Variants in METTL16 observed in about 807,000 individuals in gnomAD.
The protein encoded by METTL16 is methyltransferase 16, RNA N6-adenosine.
METTL16 carries 19 observed loss-of-function variants against 57.9 expected under a neutral mutation model. The observed-to-expected ratio is 0.33, with a 90% CI of 0.23 to 0.48. The LOEUF (loss-of-function observed/expected upper bound fraction) is 0.48. Among genes scored for constraint, METTL16 ranks in the 20% least tolerant of loss-of-function variants. METTL16 has a pLI of 0.99. For synonymous variants in METTL16, 246 were observed against 255.6 expected, an observed-to-expected ratio of 0.96 and a Z score of 0.36; for missense variants, 434 against 691.5, an observed-to-expected ratio of 0.63 and a Z score of 4.18.
intron 8 of METTL16, among the ~76,000 whole-genome samples, chr17:2,432,926 A>G (rs2066883866): frequency 6.6e-6 from 1 of 152,224 alleles, no homozygotes; most frequent in Non-Finnish European, 1.5e-5. Context: ...TAGCGAAGTT[A>G]AGTAGCCTGT....
intron 7 of METTL16, among the ~76,000 whole-genome samples, chr17:2,440,804 C>G (rs1414194693): frequency 6.6e-6 from 1 of 151,454 alleles, no homozygotes; most frequent in Non-Finnish European, 1.5e-5. Flanking sequence ...GACCCCATCA[C>G]TACTAAAGAA....
intron 1 of METTL16, among the ~76,000 whole-genome samples, chr17:2,511,226 T>C (rs1567910922): frequency 6.6e-6 from 1 of 152,088 alleles, no homozygotes; most frequent in Non-Finnish European, 1.5e-5. Context: ...CCCTTTTTTT[T>C]TTTTTCTTTC....
intron 8 of METTL16, among the ~76,000 whole-genome samples, chr17:2,423,303 T>TGTGTGTGTGTGTG (rs1597435179): frequency 2.8e-5 from 4 of 142,462 alleles, no homozygotes; most frequent in South Asian, 2.3e-4. Context: ...TGTGTGTGTG[T>TGTGTGTGTGTGTG]TTGAAGAACC....
chr17:2,452,295 C>T (rs1384505764), intron 6 of METTL16, among the ~76,000 whole-genome samples: 1 of 152,100 alleles, frequency 6.6e-6, no homozygotes, highest in Non-Finnish European at 1.5e-5. Flanking sequence ...TTGCACTAAA[C>T]TGAATACCAC....
chr17:2,440,994 A>AAAAG lies in METTL16; in HGVS notation c.798+495_798+496insCTTT, dbSNP rs1555616313. 1.3e-3 allele frequency among the ~76,000 whole-genome samples: 153 copies of AAAAG among 118,772 alleles called. 1 individual carries two copies. The highest frequency in any genetic ancestry group is 2.4e-3 in the African/African-American group (52 of 21,522). The allele number at this position is 118,772 out of a possible 152,430, so 77.9% of individuals were successfully genotyped here. A position where few individuals can be genotyped will look rare whatever the true frequency, so the allele number is the denominator to read the frequency against. ...TCAAAAAAAAAAAAAAAAAAAAAAA[A>AAAAG]AAGAAGAAGAAGAAGAAGAAAAGAA... On this transcript the variant is annotated intron_variant, in intron 7 of 9. Coordinates refer to ENST00000263092, the MANE Select transcript of METTL16 (RefSeq NM_024086.4).
intron 8 of METTL16, among the ~76,000 whole-genome samples, chr17:2,423,152 G>T (rs1019763623): frequency 2.6e-5 from 4 of 152,098 alleles, no homozygotes; most frequent in Non-Finnish European, 5.9e-5. Flanking sequence ...ATTACTGGGG[G>T]ACGTCTTCTA....
At chr17:2,511,640 C>T (rs1486190800) in intron 1 of METTL16, 119 bp downstream of exon 1, 2 of 391,732 alleles carry the variant, frequency 5.1e-6, no homozygotes, top group African/African-American at 2.1e-5. Flanking sequence ...CAGGTCTCCC[C>T]TCCTAGACCC....
rs186544156 is a variant in METTL16, at chr17:2,479,138, C to A, written c.129-1253G>T. 1.8e-3 allele frequency among the ~76,000 whole-genome samples: 280 copies of A among 152,012 alleles called. 1 individual carries two copies. Among genetic ancestry groups the A allele is most frequent in the Middle Eastern group, 0.014 (4 of 294 alleles). On this transcript the variant is annotated intron_variant, in intron 2 of 9. Coordinates refer to ENST00000263092, the MANE Select transcript of METTL16 (RefSeq NM_024086.4). ...CAACAGACCTTATTTATAAACAGAG[C>A]AGGGTCTTTTTTGGTTTTTGTGGGT...
At chr17:2,470,744 G>A in intron 4 of METTL16, among the ~76,000 whole-genome samples, 1 of 152,198 alleles carries the variant, frequency 6.6e-6, no homozygotes, top group East Asian at 1.9e-4. Flanking sequence ...ATAGGAGGTT[G>A]AGGCTACAGT....
intron 6 of METTL16, among the ~76,000 whole-genome samples, chr17:2,460,791 A>T (rs1022829328): frequency 3.7e-4 from 56 of 151,932 alleles, no homozygotes; most frequent in Admixed American, 5.2e-4. Flanking sequence ...AGGCTGAGGC[A>T]GGAGAATCAC....
At chr17:2,507,326 T>TG (rs569898536) in intron 1 of METTL16, among the ~76,000 whole-genome samples, 1,147 of 103,714 alleles carry the variant, frequency 0.011, 20 homozygotes, top group African/African-American at 0.041. Flanking sequence ...AGGAGGGAGG[T>TG]GGGGGGGTCA....
rs1567879509 is a variant in METTL16 at position 2,423,264 on chromosome 17, GT to G, written c.889-2361del. ...TAGGGAAGGATAAAAAACAAAGGGT[GT>G]GTGTGTGTGTGTGTGTGTGTGTGTG... On this transcript the variant is annotated intron_variant, in intron 8 of 9. Transcript: ENST00000263092. Among the ~76,000 whole-genome samples the G allele has an allele frequency of 5.9e-4, 32 of 54,498 alleles. No individual in the cohort carries two copies. The African/African-American group carries it at 0.011, about 19-fold the overall frequency. The allele number at this position is 54,498 out of a possible 152,430, so 35.8% of individuals were successfully genotyped here.
chr17:2,501,670 C>T (rs2067488900), intron 2 of METTL16, among the ~76,000 whole-genome samples: 1 of 151,966 alleles, frequency 6.6e-6, no homozygotes, highest in African/African-American at 2.4e-5. Flanking sequence ...CCAGTCTGAC[C>T]AACATGGTGA....
At chr17:2,478,506 T>C (rs999072446) in intron 2 of METTL16, among the ~76,000 whole-genome samples, 5 of 152,244 alleles carry the variant, frequency 3.3e-5, no homozygotes, top group African/African-American at 1.2e-4. Flanking sequence ...ATAATTCACA[T>C]ACTATAAAAT....
intron 6 of METTL16, among the ~76,000 whole-genome samples, chr17:2,450,779 G>A (rs1210406339): frequency 6.6e-6 from 1 of 151,886 alleles, no homozygotes; most frequent in African/African-American, 2.4e-5. Context: ...GCATTAAAAG[G>A]GAAATTTCAG....
chr17:2,470,050 A>C (rs2067225910), intron 4 of METTL16, among the ~76,000 whole-genome samples: 3 of 152,222 alleles, frequency 2.0e-5, no homozygotes, highest in African/African-American at 7.2e-5. Context: ...TCATCAACTG[A>C]TAGACACACA....
chr17:2,420,104 AAC>A lies in METTL16; in HGVS notation c.1553_1554del (p.Cys518PhefsTer5). ...PGVAGQYLFKCLINVKKEVDD... is the reference protein window; with the variant it reads ...PGVAGQYLFKXLINVKKEVDD... ...TCCACCTCCTTCTTAACGTTTATCAAACACTTAAACAGGTACTGTCCGGCCAC... is the reference window on the plus strand; with the variant it reads ...TCCACCTCCTTCTTAACGTTTATCAAACTTAAACAGGTACTGTCCGGCCAC... On this transcript the variant is annotated frameshift_variant, in exon 10 of 10. Coordinates refer to ENST00000263092, the MANE Select transcript of METTL16 (RefSeq NM_024086.4). LOFTEE classifies it high-confidence loss of function. This position sits in a 1 kb window ranked among gnomAD's most constrained non-coding sequence, Gnocchi z 5.4. The A allele has an allele frequency of 6.2e-7, 1 of 1,614,194 alleles. No homozygotes were observed. Among genetic ancestry groups the A allele is most frequent in the East Asian group, 2.2e-5 (1 of 44,886 alleles).
At chr17:2,442,503 A>G (rs1271589430) in intron 6 of METTL16, among the ~76,000 whole-genome samples, 1 of 152,168 alleles carries the variant, frequency 6.6e-6, no homozygotes, top group Admixed American at 6.5e-5. Context: ...AGGAAAAAAA[A>G]AAAGATTAGA....
At chr17:2,482,249 A>G (rs980258380) in intron 2 of METTL16, among the ~76,000 whole-genome samples, 5 of 152,324 alleles carry the variant, frequency 3.3e-5, no homozygotes, top group African/African-American at 9.6e-5. Flanking sequence ...ACGTAACAAA[A>G]TCAATTTTTT....
Sources: allele counts gnomAD v4.1 joint callset (sites outside exome capture counted in the v4.1 genomes callset), GRCh38; gene constraint gnomAD v4.1.1; non-coding constraint Gnocchi (gnomAD v3.1); transcripts MANE v1.5; gene names NCBI Gene and HGNC (gene_info 2026-07-23, HGNC 2026-07-21).